PIK3C2G: variants seen among roughly 807,000 people sequenced by gnomAD.
PIK3C2G encodes phosphatidylinositol-4-phosphate 3-kinase catalytic subunit type 2 gamma, also known as phosphatidylinositol 3-kinase C2 domain-containing subunit gamma.
Under a neutral mutation model 181.1 loss-of-function variants are expected in PIK3C2G, and 168 were observed. That is an observed-to-expected ratio of 0.93 (90% CI 0.82 to 1.05). The LOEUF is 1.05. Among genes scored for constraint, PIK3C2G ranks in the 50% least tolerant of loss-of-function variants. The probability of loss-of-function intolerance (pLI) is 0.00; values close to 1 mark genes in which losing one functional copy is unlikely to be tolerated. For synonymous variants in PIK3C2G, 573 were observed against 592.2 expected (o/e 0.97, Z 0.47); for missense variants, 1,869 against 1,732.8 (o/e 1.08, Z -1.40).
rs551855583 is a variant in PIK3C2G at position 18,563,509 on chromosome 12, G to A, written c.3902+11G>A. ...ACTGACTCTCCCAGAGTAAGGCACT[G>A]TCCTTTTACATTGTTTTGCCTTCAG... is the stretch of plus-strand genomic sequence containing the variant. On this transcript the variant is annotated intron_variant, in intron 28 of 32. Transcript: ENST00000538779. The A allele has an allele frequency of 7.4e-6, 12 of 1,612,896 alleles. No individual in the cohort carries two copies. In the Admixed American group the frequency reaches 1.5e-4, roughly 20 times the overall value.
intron 12 of PIK3C2G, among the ~76,000 whole-genome samples, chr12:18,367,266 C>A (rs767492141): frequency 6.6e-5 from 10 of 152,146 alleles, no homozygotes; most frequent in Non-Finnish European, 1.5e-4. Flanking sequence ...TTCAGAGCTT[C>A]TTTTAAGCTG....
intron 1 of PIK3C2G, 120 bp from the exon 2 acceptor site, chr12:18,281,884 T>C: frequency 1.8e-6 from 1 of 543,714 alleles, no homozygotes; most frequent in Admixed American, 3.5e-5. Flanking sequence ...TAAGGAATTA[T>C]TTCACTTGCT....
chr12:18,500,167 C>T (rs1437732577), intron 22 of PIK3C2G, among the ~76,000 whole-genome samples: 2 of 152,142 alleles, frequency 1.3e-5, no homozygotes, highest in African/African-American at 4.8e-5. Context: ...GGCCGGGAAC[C>T]GGGCTGCGCC....
chr12:18,635,469 C>T (rs1257915222), intron 31 of PIK3C2G, among the ~76,000 whole-genome samples: 1 of 152,118 alleles, frequency 6.6e-6, no homozygotes, highest in Non-Finnish European at 1.5e-5. Context: ...ATGGGCAACT[C>T]GGGGCACACG....
At chr12:18,343,816 G>C (rs2137640957) in intron 10 of PIK3C2G, among the ~76,000 whole-genome samples, 2 of 152,134 alleles carry the variant, frequency 1.3e-5, no homozygotes, top group Non-Finnish European at 2.9e-5. Flanking sequence ...ACAGGTAGGA[G>C]GATTTGGTTC....
chr12:18,623,271 A>G (rs77797974), intron 31 of PIK3C2G, among the ~76,000 whole-genome samples: 14,013 of 151,678 alleles, frequency 0.092, 852 homozygotes, highest in Non-Finnish European at 0.14. Flanking sequence ...TGAATACCCA[A>G]TTTTTCCAAC....
chr12:18,500,242 G>T (rs1054836634), intron 22 of PIK3C2G, among the ~76,000 whole-genome samples: 1 of 151,800 alleles, frequency 6.6e-6, no homozygotes, highest in Admixed American at 6.6e-5. Context: ...CACTCGGAGC[G>T]GCCGGCCGGC....
intron 26 of PIK3C2G, among the ~76,000 whole-genome samples, chr12:18,560,284 A>C (rs1450764938): frequency 3.3e-5 from 5 of 152,156 alleles, no homozygotes; most frequent in Non-Finnish European, 4.4e-5. Context: ...ATATAGAATT[A>C]TAACAAGAAA....
intron 24 of PIK3C2G, among the ~76,000 whole-genome samples, chr12:18,517,674 G>T (rs1285724033): frequency 6.6e-6 from 1 of 152,126 alleles, no homozygotes; most frequent in Non-Finnish European, 1.5e-5. Context: ...CATGTTGCCT[G>T]CAAACAGAGA....
At chr12:18,696,116 T>C in the PIK3C2G span, 1 of 1,118,886 alleles carries the variant, frequency 8.9e-7, no homozygotes, top group Non-Finnish European at 1.3e-6. Context: ...TTTATGTTAC[T>C]TCTGCAAACA....
chr12:18,263,793 G>A (rs1948356187), intron 1 of PIK3C2G, among the ~76,000 whole-genome samples: 1 of 151,714 alleles, frequency 6.6e-6, no homozygotes, highest in African/African-American at 2.4e-5. Context: ...TTAAATTCTG[G>A]TATATCTGTA....
At chr12:18,348,240 C>A (rs550784874) in intron 11 of PIK3C2G, among the ~76,000 whole-genome samples, 80 of 151,404 alleles carry the variant, frequency 5.3e-4, no homozygotes, top group African/African-American at 1.9e-3. Flanking sequence ...TGTGTAAATG[C>A]AAAATGTAAA....
Position 18,290,923 on chromosome 12 carries a change from C to A in PIK3C2G, c.830C>A (p.Ala277Glu). ...GGGAAGATCTGGAGCACTACTACAG[C>A]ATTTCCGTATCAGCTCTTTTCTAAG... The part of the protein sequence containing the change: ...NSGKIWSTTT[A>E]FPYQLFSKTK... Residue 277 changes from alanine to glutamate, a missense_variant, in exon 4 of 33, where the codon GCA becomes GAA. By Grantham distance (107) the Ala-to-Glu change is moderately radical. Coordinates refer to ENST00000538779, the MANE Select transcript of PIK3C2G (RefSeq NM_001288772.2). 2 of 1,585,264 alleles carry A rather than the reference C, an allele frequency of 1.3e-6. No individual in the cohort carries two copies. The highest frequency in any genetic ancestry group is 8.7e-7 in the Non-Finnish European group (1 of 1,153,962).
upstream of PIK3C2G, among the ~76,000 whole-genome samples, chr12:18,245,128 GA>G (rs1948026393): frequency 1.3e-5 from 2 of 151,914 alleles, no homozygotes; most frequent in South Asian, 4.1e-4. Context: ...AGCCTCAATT[GA>G]GGAATTATTG....
chr12:18,322,711 A>G (rs1951165773), intron 7 of PIK3C2G, among the ~76,000 whole-genome samples: 1 of 152,108 alleles, frequency 6.6e-6, no homozygotes, highest in African/African-American at 2.4e-5. Context: ...GTGTTTTTCC[A>G]TTGCCCTTCT....
chr12:18,548,674 TC>T (rs1487593321), intron 26 of PIK3C2G, among the ~76,000 whole-genome samples: 7 of 152,178 alleles, frequency 4.6e-5, no homozygotes, highest in African/African-American at 1.7e-4. Context: ...AGGCCAATCT[TC>T]CCACTTACCA....
chr12:18,507,040 T>TC (rs1334703369), intron 24 of PIK3C2G, among the ~76,000 whole-genome samples: 1 of 152,044 alleles, frequency 6.6e-6, no homozygotes, highest in African/African-American at 2.4e-5. Flanking sequence ...TTTTACTTTT[T>TC]TTTTTTTGAG....
intron 8 of PIK3C2G, among the ~76,000 whole-genome samples, chr12:18,327,053 A>G (rs1048640516): frequency 2.0e-5 from 3 of 152,108 alleles, no homozygotes; most frequent in Non-Finnish European, 4.4e-5. Context: ...AAATTTTTCT[A>G]ATATGACTTA....
chr12:18,528,160 C>A (rs1392216878), intron 24 of PIK3C2G, among the ~76,000 whole-genome samples: 1 of 152,074 alleles, frequency 6.6e-6, no homozygotes, highest in East Asian at 1.9e-4. Flanking sequence ...AATGGAGATT[C>A]CAAATTTGCC....
Sources: allele counts gnomAD v4.1 joint callset (sites outside exome capture counted in the v4.1 genomes callset), GRCh38; gene constraint gnomAD v4.1.1; transcripts MANE v1.5; gene names NCBI Gene and HGNC (gene_info 2026-07-23, HGNC 2026-07-21).